ADAMTSL3: variants seen among roughly 807,000 people sequenced by gnomAD.
ADAMTSL3 encodes the protein ADAMTS-like protein 3.
Under a neutral mutation model 201.7 loss-of-function variants are expected in ADAMTSL3, and 128 were observed. The observed-to-expected ratio is 0.63, with a 90% CI of 0.55 to 0.73. ADAMTSL3 has a LOEUF of 0.73. ADAMTSL3 is among the 30% of genes least tolerant of loss of function. The pLI, the probability that ADAMTSL3 is intolerant of heterozygous loss-of-function variation, is 0.00. For missense variants in ADAMTSL3, 1,990 were observed against 2,119.6 expected (o/e 0.94, Z 1.20); for synonymous variants, 738 against 748.4 (o/e 0.99, Z 0.23).
Position 83,819,901 on chromosome 15 carries a change from C to T in ADAMTSL3, c.454C>T (p.Pro152Ser), listed in dbSNP as rs766798504. The change falls in exon 6 of 30, where the codon CCA becomes TCA. Residue 152 changes from proline (P) to serine (S), a missense_variant. By Grantham distance (74) the Pro-to-Ser change is moderately conservative. Transcript: ENST00000286744. ...QYQGHYYEWL[P>S]RYNDPAAPCA... ...TCAGGGGCATTACTATGAATGGCTT[C>T]CACGATATAATGATCCTGCTGCCCC... 4 of 1,614,106 alleles carry T rather than the reference C, an allele frequency of 2.5e-6. No individual in the cohort carries two copies. Among genetic ancestry groups the T allele is most frequent in the Middle Eastern group, 1.6e-4 (1 of 6,062 alleles).
At chr15:83,750,958 T>C (rs1461836375) in intron 3 of ADAMTSL3, among the ~76,000 whole-genome samples, 1 of 152,266 alleles carries the variant, frequency 6.6e-6, no homozygotes, top group Non-Finnish European at 1.5e-5. Flanking sequence ...AACTAAATTA[T>C]TAATTCATGC....
chr15:83,915,828 C>A (rs2141968592), intron 16 of ADAMTSL3, among the ~76,000 whole-genome samples: 1 of 152,276 alleles, frequency 6.6e-6, no homozygotes, highest in African/African-American at 2.4e-5. Context: ...TTCAGTACTT[C>A]ATTCCTTTTT....
intron 25 of ADAMTSL3, among the ~76,000 whole-genome samples, chr15:84,017,157 T>G (rs1438664904): frequency 6.6e-6 from 1 of 152,190 alleles, no homozygotes; most frequent in Non-Finnish European, 1.5e-5. Flanking sequence ...TCGCTCTGCC[T>G]CCCAGGCTGG....
At chr15:83,696,378 C>A (rs74024543) in intron 2 of ADAMTSL3, among the ~76,000 whole-genome samples, 154 of 152,312 alleles carry the variant, frequency 1.0e-3, no homozygotes, top group African/African-American at 3.6e-3. Context: ...CCACGCCCTG[C>A]TTTGGTTGCT....
In ADAMTSL3 at chr15:83,895,343, C is replaced by T. The variant is rs138848989; in HGVS notation, c.1467+2455C>T. On this transcript the variant is annotated intron_variant, in intron 13 of 29. Transcript: ENST00000286744. Reference sequence around the variant, plus strand: ...CAACATTATTTCTACAACTGCAGAGCTTGTTTTCAGCTCTCATAAGTCCTA... The same window carrying T: ...CAACATTATTTCTACAACTGCAGAGTTTGTTTTCAGCTCTCATAAGTCCTA... 2.0e-3 allele frequency among the ~76,000 whole-genome samples: 310 copies of T among 152,252 alleles called. 4 individuals carry two copies. Among genetic ancestry groups the T allele is most frequent in the African/African-American group, 7.1e-3 (295 of 41,536 alleles).
intron 3 of ADAMTSL3, among the ~76,000 whole-genome samples, chr15:83,742,570 T>C (rs923201052): frequency 1.3e-5 from 2 of 152,186 alleles, no homozygotes; most frequent in East Asian, 3.8e-4. Flanking sequence ...TTCTAATTAG[T>C]TCTACCAAGA....
At chr15:84,005,837 G>A (rs185379335) in intron 23 of ADAMTSL3, among the ~76,000 whole-genome samples, 130 of 152,264 alleles carry the variant, frequency 8.5e-4, no homozygotes, top group Non-Finnish European at 1.5e-3. Flanking sequence ...ATTGATTGGG[G>A]AACAGATTAT....
rs186798265 is a variant in ADAMTSL3 at position 83,732,061 on chromosome 15, A to T, written c.189+27553A>T. ...TCACCACACATACACAAAAGTAACC[A>T]TGTGAGGAGATGGATATGTTAATTT... On this transcript the variant is annotated intron_variant, in intron 3 of 29. Transcript: ENST00000286744. 1.2e-4 allele frequency among the ~76,000 whole-genome samples: 19 copies of T among 152,218 alleles called. No homozygotes were observed. In the East Asian group the frequency reaches 3.7e-3, roughly 29 times the overall value.
chr15:83,750,727 T>A (rs1567119207), intron 3 of ADAMTSL3, among the ~76,000 whole-genome samples: 1 of 152,170 alleles, frequency 6.6e-6, no homozygotes, highest in Non-Finnish European at 1.5e-5. Context: ...AATTTTTGTA[T>A]TTTTAGTAGA....
chr15:83,775,860 C>T (rs1244608943), intron 4 of ADAMTSL3, among the ~76,000 whole-genome samples: 2 of 152,174 alleles, frequency 1.3e-5, no homozygotes, highest in Non-Finnish European at 2.9e-5. Flanking sequence ...GCTAGACATG[C>T]CCCCAGCTTC....
chr15:83,928,495 A>T (rs1567242039), intron 17 of ADAMTSL3, among the ~76,000 whole-genome samples: 1 of 152,222 alleles, frequency 6.6e-6, no homozygotes. Flanking sequence ...GAAAACGAAA[A>T]TGATAACAAC....
intron 16 of ADAMTSL3, among the ~76,000 whole-genome samples, chr15:83,917,441 A>ATGTATGTG (rs2066055421): frequency 1.3e-5 from 2 of 152,046 alleles, no homozygotes; most frequent in Admixed American, 6.6e-5. Flanking sequence ...GTATGTATGT[A>ATGTATGTG]TGTATGTATG....
At chr15:83,721,612 C>T (rs2141576011) in intron 3 of ADAMTSL3, among the ~76,000 whole-genome samples, 1 of 152,278 alleles carries the variant, frequency 6.6e-6, no homozygotes, top group South Asian at 2.1e-4. Context: ...AGTACATGTT[C>T]CGTAGTTTGA....
At chr15:83,805,106 A>C (rs2063581915) in intron 5 of ADAMTSL3, among the ~76,000 whole-genome samples, 1 of 152,224 alleles carries the variant, frequency 6.6e-6, no homozygotes. Flanking sequence ...ACATAGGAAG[A>C]GTAGACTTAC....
Position 83,811,549 on chromosome 15 carries a change from A to G in ADAMTSL3, c.363+6854A>G, listed in dbSNP as rs771639192. On this transcript the variant is annotated intron_variant, in intron 5 of 29. Transcript: ENST00000286744. ...GCTAAAATTATGCACATGAGGTGCA[A>G]TGGTTAGGACTTTGGTATACTCGAG... 2.6e-5 allele frequency among the ~76,000 whole-genome samples: 4 copies of G among 152,350 alleles called. No homozygotes were observed. The East Asian group carries it at 7.7e-4, about 29-fold the overall frequency.
chr15:83,778,376 G>A (rs899708834), intron 4 of ADAMTSL3, among the ~76,000 whole-genome samples: 1 of 152,062 alleles, frequency 6.6e-6, no homozygotes, highest in African/African-American at 2.4e-5. Flanking sequence ...CAGAGAGAAA[G>A]GTCAGGTCAC....
intron 2 of ADAMTSL3, among the ~76,000 whole-genome samples, chr15:83,657,737 AG>A (rs1035303154): frequency 6.6e-6 from 1 of 151,972 alleles, no homozygotes; most frequent in African/African-American, 2.4e-5. Context: ...TAGAGCCTGT[AG>A]GGGGCACTCA....
At chr15:83,864,963 C>A (rs921492443) in intron 8 of ADAMTSL3, among the ~76,000 whole-genome samples, 19 of 152,120 alleles carry the variant, frequency 1.2e-4, no homozygotes. Flanking sequence ...TTCTTATACA[C>A]CAATAACAGA....
rs538786695 is a variant in ADAMTSL3 at position 83,969,172 on chromosome 15, G to A, written c.2491-1312G>A. Among the ~76,000 whole-genome samples, 6 of 152,208 alleles carry A rather than the reference G, an allele frequency of 3.9e-5. 1 individual carries two copies. The highest frequency in any genetic ancestry group is 4.2e-4 in the South Asian group (2 of 4,816). ...TATAATAATTTTAAAAAGGCCGGCC[G>A]TGGCTTCTCACGCCTATAATCCCAG... On this transcript the variant is annotated intron_variant, in intron 19 of 29. Transcript: ENST00000286744.
Sources: allele counts gnomAD v4.1 joint callset (sites outside exome capture counted in the v4.1 genomes callset), GRCh38; gene constraint gnomAD v4.1.1; transcripts MANE v1.5; gene names NCBI Gene and HGNC (gene_info 2026-07-23, HGNC 2026-07-21).